CFAP47: variants seen among roughly 807,000 people sequenced by gnomAD.
The protein encoded by CFAP47 is cilia- and flagella-associated protein 47.
Under a neutral mutation model 148.1 loss-of-function variants are expected in CFAP47, and 29 were observed. The ratio of observed to expected loss-of-function variants is 0.20; its 90% CI spans 0.15 to 0.27. CFAP47 has a LOEUF of 0.27. CFAP47 is among the 10% of genes least tolerant of loss of function. The pLI is 1.00. For synonymous variants in CFAP47, 664 were observed against 577.3 expected (o/e 1.15, Z -2.15); for missense variants, 1,872 against 1,697.5 (o/e 1.10, Z -1.81).
At chrX:36,128,759 A>T (rs1477485650) in intron 33 of CFAP47, among the ~76,000 whole-genome samples, 1 of 110,063 alleles carries the variant, frequency 9.1e-6, no homozygotes, top group African/African-American at 3.3e-5. Flanking sequence ...ATATATATTA[A>T]TTTGTCAAAT....
rs782372534 is a variant in CFAP47, at chrX:36,247,129, G to A, written c.7333-4204G>A. ...ACAGCATCATGTTCTTTGCAGCAAC[G>A]TGGTTGTAGCTGGAGTCTAGAATTC... On this transcript the variant is annotated intron_variant, in intron 48 of 63. Coordinates refer to ENST00000378653, the MANE Select transcript of CFAP47 (RefSeq NM_001304548.2). Among the ~76,000 whole-genome samples the A allele has an allele frequency of 2.4e-3, 264 of 111,779 alleles. 1 individual carries two copies. Among genetic ancestry groups the A allele is most frequent in the African/African-American group, 8.4e-3 (257 of 30,772 alleles).
intron 39 of CFAP47, among the ~76,000 whole-genome samples, chrX:36,170,462 A>C (rs1939555513): frequency 9.3e-6 from 1 of 107,237 alleles, no homozygotes; most frequent in African/African-American, 3.5e-5. Flanking sequence ...CCGACCCCAC[A>C]ACAGTCCCCA....
At chrX:36,017,125 C>A (rs1937105798) in intron 22 of CFAP47, among the ~76,000 whole-genome samples, 1 of 111,326 alleles carries the variant, frequency 9.0e-6, no homozygotes, top group Non-Finnish European at 1.9e-5. Flanking sequence ...TATGATCCAG[C>A]AATCCCACTG....
intron 4 of CFAP47, among the ~76,000 whole-genome samples, chrX:35,950,056 AG>A (rs1936140451): frequency 8.9e-6 from 1 of 112,000 alleles, no homozygotes; most frequent in Admixed American, 9.5e-5. Context: ...AGTTTAAAAA[AG>A]GTCCCAGTCT....
intron 35 of CFAP47, among the ~76,000 whole-genome samples, chrX:36,139,339 G>T (rs1477356875): frequency 9.0e-6 from 1 of 111,508 alleles, no homozygotes; most frequent in Non-Finnish European, 1.9e-5. Flanking sequence ...AGTGACATAC[G>T]TTAAGGAAAT....
intron 18 of CFAP47, among the ~76,000 whole-genome samples, chrX:35,995,980 G>A (rs983444718): frequency 1.8e-5 from 2 of 111,455 alleles, no homozygotes; most frequent in Non-Finnish European, 3.8e-5. Flanking sequence ...AGAACGCAAG[G>A]GAGAGAGGGA....
chrX:36,188,493 A>G (rs182572554), intron 40 of CFAP47, 127 bp from the exon 41 acceptor site: 31 of 287,205 alleles, frequency 1.1e-4, no homozygotes, highest in Non-Finnish European at 8.5e-5. Flanking sequence ...AAATATGTCT[A>G]TGGTCTTTTC....
intron 15 of CFAP47, among the ~76,000 whole-genome samples, chrX:35,986,375 C>A (rs1936715194): frequency 9.3e-6 from 1 of 107,950 alleles, no homozygotes; most frequent in Non-Finnish European, 1.9e-5. Context: ...ACTCTGATAT[C>A]CTTTCTTCTG....
chrX:36,263,249 A>G (rs1363187650), intron 49 of CFAP47, among the ~76,000 whole-genome samples: 1 of 112,050 alleles, frequency 8.9e-6, no homozygotes, highest in Non-Finnish European at 1.9e-5. Flanking sequence ...TTCCACTGAA[A>G]TGGCTGCTGT....
chrX:36,263,812 T>C (rs911560677), intron 49 of CFAP47, among the ~76,000 whole-genome samples: 60 of 111,828 alleles, frequency 5.4e-4, no homozygotes, highest in Middle Eastern at 4.7e-3. Context: ...CTTTTACTTT[T>C]CACTCTGCTT....
intron 23 of CFAP47, among the ~76,000 whole-genome samples, chrX:36,032,421 A>G (rs1310859918): frequency 1.8e-5 from 2 of 110,867 alleles, no homozygotes; most frequent in Non-Finnish European, 3.8e-5. Flanking sequence ...TGGAAGGTTA[A>G]TTTGACTAAA....
chrX:36,126,011 G>A (rs1000688147), intron 33 of CFAP47, among the ~76,000 whole-genome samples: 1 of 109,953 alleles, frequency 9.1e-6, no homozygotes, highest in East Asian at 2.9e-4. Flanking sequence ...TTCACTATTA[G>A]ATGGATAAAT....
intron 57 of CFAP47, among the ~76,000 whole-genome samples, chrX:36,330,907 T>C (rs969832021): frequency 1.1e-4 from 12 of 111,756 alleles, no homozygotes; most frequent in Non-Finnish European, 3.8e-5. Flanking sequence ...TATCTACCTA[T>C]ATCAATGTTT....
At chrX:36,139,680 C>A (rs1569270827) in intron 35 of CFAP47, among the ~76,000 whole-genome samples, 1 of 111,384 alleles carries the variant, frequency 9.0e-6, no homozygotes, top group East Asian at 2.8e-4. Flanking sequence ...GGTGACCAGC[C>A]ACAAAAGAAG....
intron 56 of CFAP47, among the ~76,000 whole-genome samples, chrX:36,311,795 A>G (rs868926356): frequency 9.0e-6 from 1 of 111,142 alleles, no homozygotes; most frequent in Middle Eastern, 4.7e-3. Context: ...AGTCTCCATC[A>G]ATCTGATTGA....
At chrX:36,078,481 C>T (rs1391472951) in intron 29 of CFAP47, among the ~76,000 whole-genome samples, 1 of 110,407 alleles carries the variant, frequency 9.1e-6, no homozygotes, top group Non-Finnish European at 1.9e-5. Context: ...CTCGTTTGAT[C>T]TTTGTTGGTT....
In CFAP47 at chrX:36,371,919, T is replaced by TGTGTGTATATATACACAC. The variant is rs1569329842; in HGVS notation, c.9185+4792_9185+4793insGTGTGTATATATACACAC. On this transcript the variant is annotated intron_variant, in intron 62 of 63. Coordinates refer to ENST00000378653, the MANE Select transcript of CFAP47 (RefSeq NM_001304548.2). ...ACACATGTGTATATATGTGTGTATA[T>TGTGTGTATATATACACAC]ATGTGTATATACACACATGTGTATA... Among the ~76,000 whole-genome samples the TGTGTGTATATATACACAC allele has an allele frequency of 7.2e-5, 4 of 55,613 alleles. No homozygotes were observed. In the African/African-American group the frequency reaches 1.2e-3, roughly 16 times the overall value. The allele number at this position is 55,613 out of a possible 115,157, so 48.3% of individuals were successfully genotyped here. A position where few individuals can be genotyped will look rare whatever the true frequency, so the allele number is the denominator to read the frequency against.
At chrX:35,936,625 T>G (rs926603775) in intron 2 of CFAP47, among the ~76,000 whole-genome samples, 13 of 111,062 alleles carry the variant, frequency 1.2e-4, no homozygotes, top group Non-Finnish European at 2.5e-4. Context: ...GTTAGGAGAC[T>G]CTGGGTCTTA....
At chrX:36,195,766 C>G (rs1939913365) in intron 42 of CFAP47, among the ~76,000 whole-genome samples, 1 of 111,137 alleles carries the variant, frequency 9.0e-6, no homozygotes, top group Non-Finnish European at 1.9e-5. Context: ...GTGATGTTCG[C>G]ATTTGAAGGG....
Sources: gnomAD v4.1 joint callset for allele counts (sites outside exome capture counted in the v4.1 genomes callset) on GRCh38, gnomAD v4.1.1 for gene constraint, MANE v1.5 for transcripts, NCBI Gene and HGNC (gene_info 2026-07-23, HGNC 2026-07-21) for gene names.